The following BCR variants were observed in gnomAD, a reference collection of about 807,000 sequenced individuals.
BCR encodes BCR activator of RhoGEF and GTPase, also known as breakpoint cluster region protein.
Under a neutral mutation model 138.6 loss-of-function variants are expected in BCR, and 58 were observed. The ratio of observed to expected loss-of-function variants is 0.42; its 90% CI spans 0.34 to 0.52. BCR has a LOEUF of 0.52. Among genes scored for constraint, BCR ranks in the 20% least tolerant of loss-of-function variants. The pLI is 0.06. For missense variants in BCR, 1,599 were observed against 1,727.2 expected, an observed-to-expected ratio of 0.93 and a Z score of 1.32; for synonymous variants, 786 against 730.1, an observed-to-expected ratio of 1.08 and a Z score of -1.23.
Position 23,278,614 on chromosome 22 carries a change from C to A in BCR, c.2115+4840C>A, listed in dbSNP as rs183903658. Among the ~76,000 whole-genome samples the A allele has an allele frequency of 5.9e-5, 9 of 152,292 alleles. No individual in the cohort carries two copies. In the East Asian group the frequency reaches 1.7e-3, roughly 29 times the overall value. ...TGGTGGCAGGTGCCTATAATCCCAG[C>A]TACTCCGGAGGCGGAGGCAGGAGAA... is the stretch of plus-strand genomic sequence containing the variant. On this transcript the variant is annotated intron_variant, in intron 8 of 22. Coordinates refer to ENST00000305877, the MANE Select transcript of BCR (RefSeq NM_004327.4).
rs967884780 is a variant in BCR at position 23,263,218 on chromosome 22, G to C, written c.1752+1678G>C. ...CCGGCTGCGGGGCCAGCGCTCTGGC[G>C]CCTGCCGGAAGTGCTGCTGCTGCAC... is the stretch of plus-strand genomic sequence containing the variant. On this transcript the variant is annotated intron_variant, in intron 4 of 22. Coordinates refer to ENST00000305877, the MANE Select transcript of BCR (RefSeq NM_004327.4). 5.2e-6 allele frequency: 5 copies of C among 965,402 alleles called. No individual in the cohort carries two copies. The African/African-American group carries it at 8.2e-5, about 16-fold the overall frequency. 59.8% of individuals were successfully genotyped at this position (965,402 alleles called of 1,614,324 possible).
intron 1 of BCR, among the ~76,000 whole-genome samples, chr22:23,248,170 C>A (rs1460900036): frequency 1.3e-5 from 2 of 151,996 alleles, no homozygotes; most frequent in Non-Finnish European, 2.9e-5. Context: ...ATGGTGAAAC[C>A]CCATCTATAC....
At chr22:23,250,817 C>T (rs528746157) in intron 1 of BCR, among the ~76,000 whole-genome samples, 4 of 152,124 alleles carry the variant, frequency 2.6e-5, no homozygotes, top group Non-Finnish European at 4.4e-5. Flanking sequence ...AGCGAGTCAA[C>T]GTCTCTGTTA....
At chr22:23,307,240 C>T (rs131694) in intron 16 of BCR, among the ~76,000 whole-genome samples, 13,666 of 152,070 alleles carry the variant, frequency 0.09, 1,335 homozygotes, top group East Asian at 0.54. Flanking sequence ...GGACTGCAGG[C>T]ACATGCCACC....
intron 1 of BCR, among the ~76,000 whole-genome samples, chr22:23,225,626 A>G (rs1166050999): frequency 6.6e-6 from 1 of 152,148 alleles, no homozygotes; most frequent in Non-Finnish European, 1.5e-5. Flanking sequence ...CCTCTAGTTT[A>G]TATCCCACTG....
At chr22:23,204,523 C>T (rs1014296387) in intron 1 of BCR, among the ~76,000 whole-genome samples, 1 of 151,904 alleles carries the variant, frequency 6.6e-6, no homozygotes, top group East Asian at 1.9e-4. Flanking sequence ...TTTGGAAATC[C>T]CTCTTGGTGG....
chr22:23,274,693 A>AG (rs2073551824), intron 8 of BCR, among the ~76,000 whole-genome samples: 1 of 152,054 alleles, frequency 6.6e-6, no homozygotes. Flanking sequence ...GTGGATCAGG[A>AG]GGTCAAGAAT....
chr22:23,202,234 C>T (rs1395635143), intron 1 of BCR, among the ~76,000 whole-genome samples: 1 of 151,878 alleles, frequency 6.6e-6, no homozygotes, highest in African/African-American at 2.4e-5. Flanking sequence ...AATTCATGTA[C>T]CATACAATTC....
chr22:23,297,211 T>TG (rs1399479682), intron 16 of BCR, among the ~76,000 whole-genome samples: 27 of 112,326 alleles, frequency 2.4e-4, no homozygotes, highest in African/African-American at 1.1e-3. Context: ...TAAGTTGTTT[T>TG]TTGTTTTTTG....
chr22:23,220,053 G>A (rs1228733481), intron 1 of BCR, among the ~76,000 whole-genome samples: 1 of 152,234 alleles, frequency 6.6e-6, no homozygotes, highest in Non-Finnish European at 1.5e-5. Context: ...GCTGCACAGA[G>A]GGGAGGGGCT....
intron 1 of BCR, among the ~76,000 whole-genome samples, chr22:23,182,932 T>C (rs1246069551): frequency 6.6e-6 from 1 of 152,204 alleles, no homozygotes; most frequent in East Asian, 1.9e-4. Flanking sequence ...CGTTCTGATC[T>C]GCCTGGCTTT....
At chr22:23,302,660 G>C (rs368775743) in intron 16 of BCR, 2 of 152,250 alleles carry the variant, frequency 1.3e-5, no homozygotes, top group African/African-American at 4.8e-5. Context: ...CAGTGTCCAC[G>C]GGGGAGAAAG....
In BCR at chr22:23,316,525, T is replaced by G. The variant is rs1423896500; in HGVS notation, c.*1003T>G. 1.1e-5 allele frequency: 2 copies of G among 183,104 alleles called. No homozygotes were observed. Among genetic ancestry groups the G allele is most frequent in the Admixed American group, 7.5e-5 (1 of 13,310 alleles). The allele number at this position is 183,104 out of a possible 1,614,324, so 11.3% of individuals were successfully genotyped here. A position where few individuals can be genotyped will look rare whatever the true frequency, so the allele number is the denominator to read the frequency against. ...TTTGATACTTGAATATTTGTAAGTT[T>G]TATACATAGTTTCTAATTTTTTTCC... On this transcript the variant is annotated 3_prime_UTR_variant, in exon 23 of 23. Coordinates refer to ENST00000305877, the MANE Select transcript of BCR (RefSeq NM_004327.4).
At chr22:23,297,652 G>A (rs924239389) in intron 16 of BCR, among the ~76,000 whole-genome samples, 4 of 152,158 alleles carry the variant, frequency 2.6e-5, no homozygotes, top group African/African-American at 4.8e-5. Context: ...GATACTCACA[G>A]CCTGGGTGCC....
chr22:23,274,513 C>T (rs1017518351), intron 8 of BCR, among the ~76,000 whole-genome samples: 5 of 152,156 alleles, frequency 3.3e-5, no homozygotes, highest in African/African-American at 4.8e-5. Flanking sequence ...AGCACTGAGG[C>T]GAGGGGAGCT....
intron 16 of BCR, among the ~76,000 whole-genome samples, chr22:23,301,388 C>T (rs1395870047): frequency 6.6e-6 from 1 of 152,242 alleles, no homozygotes; most frequent in Non-Finnish European, 1.5e-5. Context: ...GTGACTCCCT[C>T]TCTGGCCCAG....
intron 8 of BCR, chr22:23,283,371 A>C (rs926348596): frequency 6.6e-6 from 1 of 152,388 alleles, no homozygotes; most frequent in Non-Finnish European, 1.5e-5. Context: ...TGCCTTCAGA[A>C]CCAGGCCCAA....
intron 20 of BCR, among the ~76,000 whole-genome samples, chr22:23,313,488 C>G (rs908392361): frequency 8.5e-5 from 13 of 152,344 alleles, no homozygotes; most frequent in Admixed American, 3.3e-4. Context: ...CTCCCGGGCC[C>G]ATGCACAGAG....
intron 1 of BCR, among the ~76,000 whole-genome samples, chr22:23,187,629 C>G (rs1032605510): frequency 6.6e-6 from 1 of 152,070 alleles, no homozygotes; most frequent in Non-Finnish European, 1.5e-5. Flanking sequence ...CCACCACACC[C>G]AGCCTCCTCC....
Sources: allele counts gnomAD v4.1 joint callset (sites outside exome capture counted in the v4.1 genomes callset), GRCh38; gene constraint gnomAD v4.1.1; transcripts MANE v1.5; gene names NCBI Gene and HGNC (gene_info 2026-07-23, HGNC 2026-07-21).